Variants in DLG2 observed in about 807,000 individuals in gnomAD.
The protein encoded by DLG2 is discs large MAGUK scaffold protein 2.
Under a neutral mutation model 132.5 loss-of-function variants are expected in DLG2, and 45 were observed. The observed-to-expected ratio is 0.34, with a 90% CI of 0.27 to 0.44. DLG2 has a LOEUF of 0.44. DLG2 is among the 20% of genes least tolerant of loss of function. The pLI, the probability that DLG2 is intolerant of heterozygous loss-of-function variation, is 1.00. For missense variants in DLG2, 1,045 were observed against 1,196.9 expected, an observed-to-expected ratio of 0.87 and a Z score of 1.87; for synonymous variants, 424 against 419.6, an observed-to-expected ratio of 1.01 and a Z score of -0.13.
At chr11:83,592,543 G>GA (rs2097206024) in intron 19 of DLG2, among the ~76,000 whole-genome samples, 1 of 151,998 alleles carries the variant, frequency 6.6e-6, no homozygotes, top group Non-Finnish European at 1.5e-5. Flanking sequence ...AAAAACCCTA[G>GA]AAAAAAACCT....
chr11:84,264,758 A>G (rs916672300), intron 7 of DLG2, among the ~76,000 whole-genome samples: 1 of 152,160 alleles, frequency 6.6e-6, no homozygotes, highest in Non-Finnish European at 1.5e-5. Flanking sequence ...TATATTTGCA[A>G]TCATCTCGTG....
chr11:84,307,067 T>C (rs2098227576), intron 7 of DLG2, among the ~76,000 whole-genome samples: 1 of 152,188 alleles, frequency 6.6e-6, no homozygotes. Flanking sequence ...TTTGCAGCAC[T>C]TTTCACAATA....
At chr11:85,484,561 CA>C (rs1234963192) in intron 3 of DLG2, among the ~76,000 whole-genome samples, 1 of 151,674 alleles carries the variant, frequency 6.6e-6, no homozygotes, top group Non-Finnish European at 1.5e-5. Context: ...AGACACTTCT[CA>C]AAAGAAGACA....
chr11:84,542,641 G>T (rs897916105), intron 6 of DLG2, among the ~76,000 whole-genome samples: 1 of 152,034 alleles, frequency 6.6e-6, no homozygotes, highest in Non-Finnish European at 1.5e-5. Context: ...ACATATTCTA[G>T]AAGCAAGAAG....
chr11:85,199,823 G>A (rs969769962), intron 4 of DLG2, among the ~76,000 whole-genome samples: 1 of 152,020 alleles, frequency 6.6e-6, no homozygotes, highest in Non-Finnish European at 1.5e-5. Flanking sequence ...ACATAGTCTA[G>A]ACTCTAGATC....
chr11:85,609,607 T>C (rs2080845677), intron 2 of DLG2, among the ~76,000 whole-genome samples: 1 of 152,182 alleles, frequency 6.6e-6, no homozygotes, highest in Non-Finnish European at 1.5e-5. Flanking sequence ...AGGCAATCAC[T>C]GGAAGGTGCA....
At chr11:84,792,552 C>A (rs1425310047) in intron 6 of DLG2, among the ~76,000 whole-genome samples, 2 of 151,850 alleles carry the variant, frequency 1.3e-5, no homozygotes, top group African/African-American at 4.8e-5. Context: ...CATTGGGTAC[C>A]AGGTTTTTCT....
chr11:84,402,547 A>G lies in DLG2; in HGVS notation c.519+132023T>C, dbSNP rs1209503885. 2.0e-5 allele frequency among the ~76,000 whole-genome samples: 3 copies of G among 151,842 alleles called. No homozygotes were observed. The East Asian group carries it at 5.8e-4, about 29-fold the overall frequency. On this transcript the variant is annotated intron_variant, in intron 7 of 27. Transcript: ENST00000376104. Reference sequence around the variant, plus strand: ...CACATCATTTCATGATTAGTCCTTCATGTCAAAAAAAAAAAATGTAAAAAG... The same window carrying G: ...CACATCATTTCATGATTAGTCCTTCGTGTCAAAAAAAAAAAATGTAAAAAG...
chr11:84,119,974 G>A (rs957155248), intron 9 of DLG2, among the ~76,000 whole-genome samples: 6 of 152,156 alleles, frequency 3.9e-5, no homozygotes, highest in African/African-American at 9.7e-5. Context: ...AGCATACTTT[G>A]CATTAACTGA....
At chr11:84,949,016 A>T (rs1366875074) in intron 6 of DLG2, among the ~76,000 whole-genome samples, 1 of 152,194 alleles carries the variant, frequency 6.6e-6, no homozygotes, top group Non-Finnish European at 1.5e-5. Flanking sequence ...AAAACATTTC[A>T]GTAAATACTT....
chr11:84,196,566 C>T (rs2096521136), intron 8 of DLG2, among the ~76,000 whole-genome samples: 3 of 152,156 alleles, frequency 2.0e-5, no homozygotes, highest in Admixed American at 2.0e-4. Context: ...AAAATTTTCT[C>T]CTGCTGCTAA....
chr11:84,727,391 G>A (rs2062611147), intron 6 of DLG2, among the ~76,000 whole-genome samples: 1 of 152,108 alleles, frequency 6.6e-6, no homozygotes, highest in African/African-American at 2.4e-5. Context: ...GTTTGTCAAA[G>A]ATCTGATGGT....
intron 7 of DLG2, among the ~76,000 whole-genome samples, chr11:84,429,196 G>A (rs1367488198): frequency 6.6e-6 from 1 of 152,162 alleles, no homozygotes; most frequent in Non-Finnish European, 1.5e-5. Context: ...TGGCATAAAT[G>A]TTCTGTTTCA....
intron 6 of DLG2, chr11:84,923,354 T>C (rs1157495369): frequency 2.5e-6 from 3 of 1,182,772 alleles, no homozygotes; most frequent in Admixed American, 4.4e-5. Flanking sequence ...TTCAATTAGA[T>C]GAGAATTCAG....
chr11:83,589,009 T>C (rs1227723019), intron 19 of DLG2, among the ~76,000 whole-genome samples: 1 of 146,778 alleles, frequency 6.8e-6, no homozygotes, highest in Non-Finnish European at 1.5e-5. Flanking sequence ...CAAATCTACG[T>C]CTGACTGGTG....
intron 3 of DLG2, among the ~76,000 whole-genome samples, chr11:85,312,846 G>A (rs2080403091): frequency 6.6e-6 from 1 of 151,816 alleles, no homozygotes; most frequent in South Asian, 2.1e-4. Context: ...TGTGGCTTTG[G>A]CAAGAAAAAC....
chr11:84,144,207 A>G (rs571536901), intron 9 of DLG2, among the ~76,000 whole-genome samples: 29 of 152,290 alleles, frequency 1.9e-4, no homozygotes, highest in African/African-American at 6.0e-4. Context: ...TTCTGTAATA[A>G]AAATTCAGAA....
Position 83,649,268 on chromosome 11 carries a change from T to C in DLG2, c.1826-15943A>G, listed in dbSNP as rs371056259. Reference sequence around the variant, plus strand: ...CTGGGCATTCTATTTTCCAGTTCTATGATCAAGCCCAGTGACTGGTAAATA... The same window carrying C: ...CTGGGCATTCTATTTTCCAGTTCTACGATCAAGCCCAGTGACTGGTAAATA... On this transcript the variant is annotated intron_variant, in intron 18 of 27. Transcript: ENST00000376104. Among the ~76,000 whole-genome samples the C allele has an allele frequency of 9.9e-5, 15 of 152,138 alleles. No homozygotes were observed. In the East Asian group the frequency reaches 1.7e-3, roughly 18 times the overall value.
chr11:85,162,344 G>A (rs924200203), intron 4 of DLG2, among the ~76,000 whole-genome samples: 2 of 152,148 alleles, frequency 1.3e-5, no homozygotes, highest in Non-Finnish European at 2.9e-5. Flanking sequence ...CTTCAGGAAT[G>A]AAGGTTTGGG....
Sources: allele counts gnomAD v4.1 joint callset (sites outside exome capture counted in the v4.1 genomes callset), GRCh38; gene constraint gnomAD v4.1.1; transcripts MANE v1.5; gene names NCBI Gene and HGNC (gene_info 2026-07-23, HGNC 2026-07-21).